Variants in MYO9A observed in about 807,000 individuals in gnomAD.
The protein encoded by MYO9A is myosin IXA.
A neutral mutation model predicts 293.3 loss-of-function variants in MYO9A; 103 were observed. That is an observed-to-expected ratio of 0.35 (90% CI 0.30 to 0.41). The LOEUF (loss-of-function observed/expected upper bound fraction) is 0.41. MYO9A is among the 10% of genes least tolerant of loss of function. The probability of loss-of-function intolerance (pLI) is 1.00; values close to 1 mark genes in which losing one functional copy is unlikely to be tolerated. For missense variants in MYO9A, 2,685 were observed against 3,033.0 expected (o/e 0.89, Z 2.69); for synonymous variants, 1,001 against 1,035.7 (o/e 0.97, Z 0.64).
At chr15:71,873,991 T>C (rs1292507558) in intron 32 of MYO9A, among the ~76,000 whole-genome samples, 3 of 152,196 alleles carry the variant, frequency 2.0e-5, no homozygotes, top group Admixed American at 2.0e-4. Flanking sequence ...ATGAGGACAT[T>C]GAGACTCAGA....
At chr15:71,899,440 GAAGTT>G (rs1326468710) in intron 24 of MYO9A, among the ~76,000 whole-genome samples, 1 of 152,136 alleles carries the variant, frequency 6.6e-6, no homozygotes, top group Non-Finnish European at 1.5e-5. Flanking sequence ...GCCTAATGTA[GAAGTT>G]AATTCTTAGC....
intron 7 of MYO9A, 105 bp from the exon 8 acceptor site, chr15:72,008,057 T>C (rs771044310): frequency 1.1e-4 from 151 of 1,352,314 alleles, no homozygotes; most frequent in Non-Finnish European, 1.4e-4. Flanking sequence ...ATGAAGTATT[T>C]AGTCTTTGGA....
chr15:71,988,897 G>A (rs1303104671), intron 11 of MYO9A, among the ~76,000 whole-genome samples: 1 of 152,088 alleles, frequency 6.6e-6, no homozygotes, highest in Non-Finnish European at 1.5e-5. Context: ...GAAACTGAAA[G>A]CCCACTCTTT....
chr15:71,836,003 A>G (rs1274685901), intron 39 of MYO9A, among the ~76,000 whole-genome samples: 2 of 152,074 alleles, frequency 1.3e-5, no homozygotes, highest in African/African-American at 4.8e-5. Context: ...CTTAAACATG[A>G]CTTTAAAAGG....
chr15:72,088,694 A>G (rs1004363096), intron 1 of MYO9A, among the ~76,000 whole-genome samples: 3 of 152,196 alleles, frequency 2.0e-5, no homozygotes, highest in African/African-American at 7.2e-5. Context: ...TAAAAAATAT[A>G]TATATGTATA....
chr15:72,084,308 A>C (rs2079644598), intron 1 of MYO9A, among the ~76,000 whole-genome samples: 1 of 152,142 alleles, frequency 6.6e-6, no homozygotes. Flanking sequence ...TTTGGATTGC[A>C]ACCCTTGCTT....
Position 71,999,922 on chromosome 15 carries a change from A to T in MYO9A, c.1399T>A (p.Phe467Ile). The T allele has an allele frequency of 2.5e-6, 4 of 1,612,016 alleles. No homozygotes were observed. Among genetic ancestry groups the T allele is most frequent in the Non-Finnish European group, 3.4e-6 (4 of 1,179,178 alleles). Residue 467 changes from phenylalanine (F) to isoleucine (I), a missense_variant, in exon 9 of 42, where the codon TTT (phenylalanine) becomes ATT (isoleucine). Coordinates refer to ENST00000356056, the MANE Select transcript of MYO9A (RefSeq NM_006901.4). ...GTCTTCCTTGTAACTAATGCTTCAA[A>T]TAGCATCTCTTCTTTAACCTATAAA... ...ELLEVKEEMLFEALVTRKTVT... is the reference protein window; with the variant it reads ...ELLEVKEEMLIEALVTRKTVT...
chr15:71,934,056 T>C (rs1307517634), intron 17 of MYO9A, among the ~76,000 whole-genome samples: 1 of 152,148 alleles, frequency 6.6e-6, no homozygotes, highest in Non-Finnish European at 1.5e-5. Context: ...ATATCAAAAC[T>C]AAATGAGATG....
intron 33 of MYO9A, among the ~76,000 whole-genome samples, chr15:71,860,969 C>CAAAAAAAAAAAAAAAAAAAAAAAAAAAAA (rs61030744): frequency 3.4e-4 from 11 of 32,420 alleles, no homozygotes; most frequent in Admixed American, 9.1e-4. Context: ...TCCATCTCAC[C>CAAAAAAAAAAAAAAAAAAAAAAAAAAAAA]AAAAAAAAAA....
chr15:71,861,280 A>G (rs1311007034), intron 33 of MYO9A, among the ~76,000 whole-genome samples: 1 of 151,322 alleles, frequency 6.6e-6, no homozygotes, highest in Non-Finnish European at 1.5e-5. Context: ...TATTTGCTTC[A>G]TTCAATTTTA....
chr15:72,006,641 C>A (rs2077025557), intron 8 of MYO9A, among the ~76,000 whole-genome samples: 1 of 151,974 alleles, frequency 6.6e-6, no homozygotes, highest in Non-Finnish European at 1.5e-5. Flanking sequence ...CTGTCAAAAA[C>A]CAAATAGCAT....
chr15:71,997,735 G>C (rs1046204234), intron 9 of MYO9A, among the ~76,000 whole-genome samples: 3 of 152,052 alleles, frequency 2.0e-5, no homozygotes, highest in Non-Finnish European at 4.4e-5. Context: ...AGGTGGTGTG[G>C]TCATTAGAGA....
At chr15:71,852,063 T>A in intron 36 of MYO9A, 69 bp downstream of exon 36, 1 of 1,467,778 alleles carries the variant, frequency 6.8e-7, no homozygotes, top group Non-Finnish European at 9.2e-7. Context: ...GGCTTGATAA[T>A]CTATACTCAA....
At chr15:71,926,869 G>A (rs1391781500) in intron 18 of MYO9A, among the ~76,000 whole-genome samples, 2 of 152,188 alleles carry the variant, frequency 1.3e-5, no homozygotes, top group Non-Finnish European at 2.9e-5. Context: ...GGTTTCAGAG[G>A]TGGCATCATT....
intron 25 of MYO9A, among the ~76,000 whole-genome samples, chr15:71,895,952 T>A (rs1476027699): frequency 1.3e-5 from 2 of 152,120 alleles, no homozygotes; most frequent in Non-Finnish European, 2.9e-5. Context: ...TTAAAGAATA[T>A]TAAAGAGCTC....
At chr15:71,961,905 G>A (rs1389779643) in intron 13 of MYO9A, among the ~76,000 whole-genome samples, 1 of 151,802 alleles carries the variant, frequency 6.6e-6, no homozygotes, top group Non-Finnish European at 1.5e-5. Flanking sequence ...CATTATTTTT[G>A]TAGAGACAGA....
At chr15:72,091,670 T>A (rs1412595592) in intron 1 of MYO9A, among the ~76,000 whole-genome samples, 1 of 151,982 alleles carries the variant, frequency 6.6e-6, no homozygotes, top group East Asian at 1.9e-4. Flanking sequence ...CAACTACAAC[T>A]AAGATTTTTA....
At chr15:71,971,802 T>C (rs2076018809) in intron 12 of MYO9A, among the ~76,000 whole-genome samples, 1 of 149,990 alleles carries the variant, frequency 6.7e-6, no homozygotes, top group South Asian at 2.1e-4. Flanking sequence ...TAAATATATA[T>C]ATTTATTTTT....
At chr15:71,933,813 T>C in intron 17 of MYO9A, 104 bp from the exon 18 acceptor site, 1 of 913,952 alleles carries the variant, frequency 1.1e-6, no homozygotes, top group Non-Finnish European at 1.7e-6. Context: ...AACAACAGAT[T>C]ATATACCCAT....
Sources: allele counts gnomAD v4.1 joint callset (sites outside exome capture counted in the v4.1 genomes callset), GRCh38; gene constraint gnomAD v4.1.1; transcripts MANE v1.5; gene names NCBI Gene and HGNC (gene_info 2026-07-23, HGNC 2026-07-21).